The following NRXN1 variants were observed in gnomAD, a reference collection of about 807,000 sequenced individuals.
NRXN1 encodes the protein neurexin 1, also known as neurexin-1.
A neutral mutation model predicts 150.9 loss-of-function variants in NRXN1; 39 were observed. That is an observed-to-expected ratio of 0.26 (90% CI 0.20 to 0.34). The LOEUF is 0.34. Ranked by LOEUF, NRXN1 falls within the 10% of genes least tolerant of loss-of-function variation. NRXN1 has a pLI of 1.00. For synonymous variants in NRXN1, 924 were observed against 757.0 expected (o/e 1.22, Z -3.62); for missense variants, 1,815 against 1,949.9 (o/e 0.93, Z 1.30).
chr2:50,628,082 G>C (rs1480664784), intron 5 of NRXN1, among the ~76,000 whole-genome samples: 1 of 151,812 alleles, frequency 6.6e-6, no homozygotes, highest in African/African-American at 2.4e-5. Flanking sequence ...TTTTGGTCCA[G>C]TAAGAAGGCT....
chr2:50,435,120 C>T (rs76711101), intron 17 of NRXN1, among the ~76,000 whole-genome samples: 3 of 151,968 alleles, frequency 2.0e-5, no homozygotes, highest in African/African-American at 7.3e-5. Context: ...ATTTTAGAGA[C>T]AGAAAAAAGT....
At chr2:50,434,036 C>G in intron 17 of NRXN1, among the ~76,000 whole-genome samples, 1 of 133,254 alleles carries the variant, frequency 7.5e-6, no homozygotes, top group South Asian at 2.5e-4. Context: ...CTTCCGGTAT[C>G]TAAGCCATTT....
intron 21 of NRXN1, among the ~76,000 whole-genome samples, chr2:50,052,846 G>C (rs1030508582): frequency 3.9e-5 from 6 of 152,094 alleles, no homozygotes; most frequent in Admixed American, 3.3e-4. Context: ...TAGAAGTATT[G>C]TACTATTAAA....
intron 2 of NRXN1, among the ~76,000 whole-genome samples, chr2:50,965,818 T>C (rs1428701088): frequency 6.6e-6 from 1 of 151,650 alleles, no homozygotes; most frequent in African/African-American, 2.4e-5. Context: ...ATTTTAAGAA[T>C]GTGATTTTCT....
chr2:50,580,164 A>T (rs1420715525), intron 8 of NRXN1, among the ~76,000 whole-genome samples: 2 of 152,182 alleles, frequency 1.3e-5, no homozygotes, highest in Non-Finnish European at 2.9e-5. Flanking sequence ...GAAAATGCAC[A>T]CCCATATTTT....
intron 17 of NRXN1, among the ~76,000 whole-genome samples, chr2:50,372,168 G>C (rs991285710): frequency 6.6e-6 from 1 of 152,002 alleles, no homozygotes; most frequent in African/African-American, 2.4e-5. Flanking sequence ...CTCAAACTTA[G>C]AGCTGGAAGA....
At chr2:50,907,934 T>C (rs764338120) in intron 5 of NRXN1, among the ~76,000 whole-genome samples, 1 of 152,102 alleles carries the variant, frequency 6.6e-6, no homozygotes, top group Non-Finnish European at 1.5e-5. Context: ...ACTAATACAC[T>C]ACAATGTCAC....
intron 17 of NRXN1, among the ~76,000 whole-genome samples, chr2:50,381,062 A>C (rs2080923171): frequency 6.6e-6 from 1 of 152,072 alleles, no homozygotes; most frequent in Non-Finnish European, 1.5e-5. Context: ...GATAAGTCTT[A>C]CTCTATATTC....
chr2:50,296,083 G>C (rs950331750), intron 17 of NRXN1, among the ~76,000 whole-genome samples: 9 of 152,124 alleles, frequency 5.9e-5, no homozygotes, highest in Non-Finnish European at 1.3e-4. Context: ...GGCATTTCTA[G>C]GCAGACAATG....
chr2:50,198,105 C>T (rs971975214), intron 18 of NRXN1, among the ~76,000 whole-genome samples: 6 of 152,068 alleles, frequency 3.9e-5, no homozygotes, highest in African/African-American at 1.2e-4. Context: ...AACCTCCAAC[C>T]CTTCAGATCA....
intron 8 of NRXN1, 69 bp from the exon 9 acceptor site, chr2:50,553,094 A>C: frequency 5.5e-5 from 62 of 1,122,000 alleles, no homozygotes; most frequent in East Asian, 7.1e-5. Flanking sequence ...TGAACAGCTC[A>C]TGTAACTTTC....
chr2:50,447,582 C>T (rs1307622321), intron 17 of NRXN1, among the ~76,000 whole-genome samples: 1 of 144,574 alleles, frequency 6.9e-6, no homozygotes, highest in Non-Finnish European at 1.5e-5. Context: ...CAAAAGATAG[C>T]TCTGTTTACA....
chr2:50,449,928 A>C (rs924913236), intron 17 of NRXN1, among the ~76,000 whole-genome samples: 1 of 152,196 alleles, frequency 6.6e-6, no homozygotes, highest in Non-Finnish European at 1.5e-5. Flanking sequence ...CAGATGAAGA[A>C]GCTGACTCTC....
intron 19 of NRXN1, among the ~76,000 whole-genome samples, chr2:50,086,633 T>G (rs1022828592): frequency 1.3e-5 from 2 of 152,164 alleles, no homozygotes; most frequent in African/African-American, 4.8e-5. Context: ...GTTTTCTGGA[T>G]CCTCCTTATC....
chr2:50,892,000 T>C (rs1681137726), intron 5 of NRXN1, among the ~76,000 whole-genome samples: 2 of 152,168 alleles, frequency 1.3e-5, no homozygotes, highest in African/African-American at 2.4e-5. Flanking sequence ...TCCAATATTA[T>C]CAGGATACAC....
At chr2:50,493,244 T>C (rs1051796357) in intron 15 of NRXN1, among the ~76,000 whole-genome samples, 1 of 152,220 alleles carries the variant, frequency 6.6e-6, no homozygotes, top group African/African-American at 2.4e-5. Flanking sequence ...AGAGTTCATG[T>C]AGAAGTTCTC....
At chr2:50,299,793 T>TAAATAAAACC (rs1328020655) in intron 17 of NRXN1, among the ~76,000 whole-genome samples, 1 of 152,224 alleles carries the variant, frequency 6.6e-6, no homozygotes, top group African/African-American at 2.4e-5. Context: ...GGCTATGTTT[T>TAAATAAAACC]AAATAAAACC....
intron 5 of NRXN1, among the ~76,000 whole-genome samples, chr2:50,823,269 C>T (rs1200610615): frequency 6.6e-6 from 1 of 152,150 alleles, no homozygotes; most frequent in Non-Finnish European, 1.5e-5. Flanking sequence ...TATCACAAAA[C>T]TGTTACAGTG....
intron 16 of NRXN1, among the ~76,000 whole-genome samples, chr2:50,471,464 T>G (rs953234541): frequency 2.0e-5 from 3 of 151,922 alleles, no homozygotes; most frequent in Non-Finnish European, 4.4e-5. Flanking sequence ...AGTAGTATTC[T>G]GTGGAATATA....
Sources: allele counts gnomAD v4.1 joint callset (sites outside exome capture counted in the v4.1 genomes callset), GRCh38; gene constraint gnomAD v4.1.1; transcripts MANE v1.5; gene names NCBI Gene and HGNC (gene_info 2026-07-23, HGNC 2026-07-21).